KCNU1: variants seen among roughly 807,000 people sequenced by gnomAD.
KCNU1 encodes potassium calcium-activated channel subfamily U member 1, also known as potassium channel subfamily U member 1.
Under a neutral mutation model 126.8 loss-of-function variants are expected in KCNU1, and 93 were observed. The ratio of observed to expected loss-of-function variants is 0.73; its 90% CI spans 0.62 to 0.87. KCNU1 has a LOEUF of 0.87. Ranked by LOEUF, KCNU1 falls within the 40% of genes least tolerant of loss-of-function variation. The probability of loss-of-function intolerance (pLI) is 0.00; values close to 1 mark genes in which losing one functional copy is unlikely to be tolerated. For missense variants in KCNU1, 1,330 were observed against 1,367.1 expected (o/e 0.97, Z 0.43); for synonymous variants, 523 against 494.2 (o/e 1.06, Z -0.77).
chr8:36,935,891 G>T lies in KCNU1; in HGVS notation c.3421G>T (p.Asp1141Tyr). The T allele has an allele frequency of 6.2e-7, 1 of 1,604,018 alleles. No individual in the cohort carries two copies. Among genetic ancestry groups the T allele is most frequent in the Non-Finnish European group, 8.5e-7 (1 of 1,175,194 alleles). Residue 1141 changes from aspartate to tyrosine, a missense_variant, in exon 27 of 27, where the codon GAT becomes TAT. Around this residue, in one of 3 missense-constraint regions of KCNU1, gnomAD observed 1,054 missense variants for 1,053.9 expected, o/e 1.00. Transcript: ENST00000399881. ...AACTTCAGATGAGGTTTATGATGAG[G>T]ATCCCTTTGCATATTCAGAGCCACT... ...RKTSDEVYDE[D>Y]PFAYSEPL is the part of the protein sequence containing the mutation.
chr8:36,881,982 C>G (rs1039135189), intron 19 of KCNU1, among the ~76,000 whole-genome samples: 1 of 152,120 alleles, frequency 6.6e-6, no homozygotes, highest in Non-Finnish European at 1.5e-5. Flanking sequence ...TCCTCATCCC[C>G]AGATCCCTAA....
At chr8:36,868,264 G>A (rs928210749) in intron 19 of KCNU1, among the ~76,000 whole-genome samples, 2 of 152,066 alleles carry the variant, frequency 1.3e-5, no homozygotes, top group Non-Finnish European at 2.9e-5. Context: ...TAGGACAAAG[G>A]GAGTTCCAGC....
chr8:36,925,048 C>A lies in KCNU1; in HGVS notation c.2736+2419C>A, dbSNP rs541144798. ...GAGCCTGATTCCTCCCACCACTCAG[C>A]ACCTGATCATGACATTGGCCTTGGG... On this transcript the variant is annotated intron_variant, in intron 24 of 26. Transcript: ENST00000399881. 2.6e-5 allele frequency among the ~76,000 whole-genome samples: 4 copies of A among 152,280 alleles called. No homozygotes were observed. In the South Asian group the frequency reaches 8.3e-4, roughly 32 times the overall value.
chr8:36,891,763 G>T (rs1806971799), intron 19 of KCNU1, among the ~76,000 whole-genome samples: 1 of 151,456 alleles, frequency 6.6e-6, no homozygotes, highest in South Asian at 2.1e-4. Context: ...TTTTTTTTGA[G>T]AACTTTATAT....
intron 19 of KCNU1, among the ~76,000 whole-genome samples, chr8:36,896,468 G>C (rs901706760): frequency 2.0e-5 from 3 of 152,010 alleles, no homozygotes; most frequent in African/African-American, 7.2e-5. Flanking sequence ...ATTCAGAAAA[G>C]TAGGGGTAAA....
intron 19 of KCNU1, among the ~76,000 whole-genome samples, chr8:36,878,618 G>T (rs1332006471): frequency 2.6e-5 from 4 of 152,116 alleles, no homozygotes; most frequent in Admixed American, 2.6e-4. Context: ...TTGGGTAGGG[G>T]ATGAAATAGT....
At chr8:36,926,509 C>T (rs947729552) in intron 24 of KCNU1, among the ~76,000 whole-genome samples, 9 of 151,994 alleles carry the variant, frequency 5.9e-5, no homozygotes, top group African/African-American at 1.7e-4. Context: ...GCACAAGAGA[C>T]GTCTGTTGTT....
chr8:36,864,557 T>A, intron 19 of KCNU1, 36 bp downstream of exon 19: 1 of 1,221,092 alleles, frequency 8.2e-7, no homozygotes, highest in Non-Finnish European at 1.2e-6. Context: ...TCCTATAGTT[T>A]TTTTGAGAAT....
intron 12 of KCNU1, among the ~76,000 whole-genome samples, chr8:36,835,405 C>A (rs758824677): frequency 6.6e-6 from 1 of 150,886 alleles, no homozygotes; most frequent in Non-Finnish European, 1.5e-5. Context: ...AGGGCAGTGG[C>A]GTGATCTAGG....
In KCNU1 at chr8:36,923,673, C is replaced by T. The variant is rs540986139; in HGVS notation, c.2736+1044C>T. Among the ~76,000 whole-genome samples, 22 of 152,328 alleles carry T rather than the reference C, an allele frequency of 1.4e-4. No individual in the cohort carries two copies. In the South Asian group the frequency reaches 4.6e-3, roughly 32 times the overall value. Reference sequence around the variant, plus strand: ...AGAGCACACTTGAACAAAGGAAAAGCAGACATATTTATCCCTTATGCATTT... The same window carrying T: ...AGAGCACACTTGAACAAAGGAAAAGTAGACATATTTATCCCTTATGCATTT... On this transcript the variant is annotated intron_variant, in intron 24 of 26. Transcript: ENST00000399881.
chr8:36,810,113 G>A (rs144050455), intron 7 of KCNU1, among the ~76,000 whole-genome samples: 86 of 152,204 alleles, frequency 5.7e-4, no homozygotes, highest in Non-Finnish European at 1.1e-3. Flanking sequence ...TTAGCCAGAC[G>A]TGGTGGCATG....
chr8:36,794,749 T>G (rs1803030557), intron 2 of KCNU1, among the ~76,000 whole-genome samples: 1 of 151,868 alleles, frequency 6.6e-6, no homozygotes. Context: ...TAGTGAGACC[T>G]CATTTGTACA....
Position 36,815,672 on chromosome 8 carries a change from C to T in KCNU1, c.980C>T (p.Ala327Val). 6.4e-7 allele frequency: 1 copy of T among 1,569,426 alleles called. No homozygotes were observed. The highest frequency in any genetic ancestry group is 2.3e-5 in the East Asian group (1 of 44,152). The change falls in exon 9 of 27, where the codon GCA becomes GTA. Residue 327 changes from alanine (A) to valine (V), a missense_variant. Transcript: ENST00000399881. ...NKRKYTSSYE[A>V]LKGKKFIVVC... The stretch of plus-strand genomic sequence containing the variant: ...AGGAAATACACCAGTTCCTATGAAG[C>T]ACTCAAAGGAAAGAAGTAAGTAGTG...
intron 7 of KCNU1, among the ~76,000 whole-genome samples, chr8:36,813,936 TC>T (rs886835554): frequency 4.6e-5 from 7 of 152,136 alleles, no homozygotes; most frequent in East Asian, 1.9e-4. Flanking sequence ...GAGGCATCTG[TC>T]CCCGGTGGAG....
chr8:36,922,533 G>GTTATT lies in KCNU1; in HGVS notation c.2640_2641insTTATT (p.Glu881LeufsTer49). 1 of 1,613,532 alleles carries GTTATT rather than the reference G, an allele frequency of 6.2e-7. No individual in the cohort carries two copies. On this transcript the variant is annotated frameshift_variant, in exon 24 of 27. Coordinates refer to ENST00000399881, the MANE Select transcript of KCNU1 (RefSeq NM_001031836.3). LOFTEE classifies it high-confidence loss of function. The stretch of plus-strand genomic sequence containing the variant: ...ACTTTATTGAACAGCTTGGTGGACT[G>GTTATT]GAAGGGTCCCTCCAAGAAACAAATC...
chr8:36,935,536 C>A lies in KCNU1; in HGVS notation c.3066C>A (p.Ala1022=). 6.2e-7 allele frequency: 1 copy of A among 1,602,980 alleles called. No homozygotes were observed. Among genetic ancestry groups the A allele is most frequent in the Non-Finnish European group, 8.5e-7 (1 of 1,173,378 alleles). ...ENKRFVITRP[A]NEFKLLPSDL... Reference sequence around the variant, plus strand: ...ACAGGTTTGTGATCACCCGGCCAGCCAATGAGTTCAAGCTGCTGCCTTCAG... The same window carrying A: ...ACAGGTTTGTGATCACCCGGCCAGCAAATGAGTTCAAGCTGCTGCCTTCAG... The change falls in exon 27 of 27, where the codon GCC becomes GCA. Residue 1022 remains alanine, a synonymous_variant. Transcript: ENST00000399881.
chr8:36,877,047 C>A (rs1258664933), intron 19 of KCNU1, among the ~76,000 whole-genome samples: 1 of 152,174 alleles, frequency 6.6e-6, no homozygotes, highest in Non-Finnish European at 1.5e-5. Flanking sequence ...TTTTCCCAAG[C>A]ACCTGATTTC....
chr8:36,911,263 A>G (rs1039822293), intron 22 of KCNU1, 144 bp downstream of exon 22: 5 of 575,870 alleles, frequency 8.7e-6, no homozygotes, highest in African/African-American at 1.9e-5. Context: ...TGAGAATCCC[A>G]TAGTAGAAAT....
At chr8:36,820,312 G>A (rs1389491398) in intron 10 of KCNU1, among the ~76,000 whole-genome samples, 1 of 152,116 alleles carries the variant, frequency 6.6e-6, no homozygotes, top group Non-Finnish European at 1.5e-5. Context: ...GTACTCGAAG[G>A]GTGCTAGCAT....
Sources: allele counts gnomAD v4.1 joint callset (sites outside exome capture counted in the v4.1 genomes callset), GRCh38; gene constraint gnomAD v4.1.1; regional missense constraint gnomAD v4.1.1; transcripts MANE v1.5; gene names NCBI Gene and HGNC (gene_info 2026-07-23, HGNC 2026-07-21).